The following LMO7 variants were observed in gnomAD, a reference collection of about 807,000 sequenced individuals.
LMO7 encodes LIM domain 7, also known as LIM domain only protein 7.
Under a neutral mutation model 206.5 loss-of-function variants are expected in LMO7, and 120 were observed. That is an observed-to-expected ratio of 0.58 (90% CI 0.50 to 0.68). LMO7 has a LOEUF of 0.68. Among genes scored for constraint, LMO7 ranks in the 30% least tolerant of loss-of-function variants. The probability of loss-of-function intolerance (pLI) is 0.00; values close to 1 mark genes in which losing one functional copy is unlikely to be tolerated. For synonymous variants in LMO7, 706 were observed against 681.5 expected (o/e 1.04, Z -0.56); for missense variants, 1,959 against 1,957.9 (o/e 1.00, Z -0.01).
chr13:75,815,246 G>C (rs567434097), intron 11 of LMO7, among the ~76,000 whole-genome samples: 1 of 152,156 alleles, frequency 6.6e-6, no homozygotes, highest in Non-Finnish European at 1.5e-5. Flanking sequence ...TGTGATTACT[G>C]TGATAATTGT....
chr13:75,625,471 G>C (rs2138694689), intron 2 of LMO7, among the ~76,000 whole-genome samples: 1 of 151,736 alleles, frequency 6.6e-6, no homozygotes, highest in Non-Finnish European at 1.5e-5. Flanking sequence ...GCATGTGTGT[G>C]TGTGGTTTTG....
intron 3 of LMO7, among the ~76,000 whole-genome samples, chr13:75,751,733 TAAA>T (rs1218086962): frequency 6.6e-6 from 1 of 152,218 alleles, no homozygotes; most frequent in Non-Finnish European, 1.5e-5. Flanking sequence ...ACACTGTTTA[TAAA>T]AGTGTCTTTT....
chr13:75,666,709 CA>C (rs1468992183), intron 1 of LMO7, among the ~76,000 whole-genome samples: 1 of 152,154 alleles, frequency 6.6e-6, no homozygotes, highest in Non-Finnish European at 1.5e-5. Context: ...CCCTGAGATT[CA>C]AAAGTTTGAG....
At chr13:75,749,142 G>T (rs996469555) in intron 3 of LMO7, among the ~76,000 whole-genome samples, 1 of 152,142 alleles carries the variant, frequency 6.6e-6, no homozygotes, top group African/African-American at 2.4e-5. Flanking sequence ...AACAAAAGGT[G>T]ATGATCCAGA....
chr13:75,684,487 C>T (rs772265174), intron 1 of LMO7, among the ~76,000 whole-genome samples: 5 of 151,456 alleles, frequency 3.3e-5, no homozygotes, highest in African/African-American at 7.3e-5. Context: ...TCAGGTGATC[C>T]GCCCTCCTTG....
Position 75,794,740 on chromosome 13 carries a change from C to T in LMO7, c.318-661C>T, listed in dbSNP as rs1455724489. On this transcript the variant is annotated intron_variant, in intron 4 of 30. Coordinates refer to ENST00000377534, the MANE Select transcript of LMO7 (RefSeq NM_001306080.2). ...TTCTTCAACACTGTGGTGCCATCTG[C>T]CTCTTTTTAACTTCTCCCATAAGTA... 2.6e-5 allele frequency among the ~76,000 whole-genome samples: 4 copies of T among 152,254 alleles called. No homozygotes were observed. In the South Asian group the frequency reaches 8.3e-4, roughly 32 times the overall value.
intron 2 of LMO7, among the ~76,000 whole-genome samples, chr13:75,626,445 C>T (rs1206133149): frequency 3.3e-5 from 5 of 150,666 alleles, no homozygotes; most frequent in Admixed American, 6.6e-5. Flanking sequence ...GGGGAAAAAC[C>T]GGCCCACATG....
intron 3 of LMO7, among the ~76,000 whole-genome samples, chr13:75,739,811 C>A (rs781046868): frequency 2.6e-5 from 4 of 152,140 alleles, no homozygotes; most frequent in Admixed American, 6.5e-5. Context: ...TTCTAAAAAT[C>A]ATTCTTGTGC....
At chr13:75,819,306 G>A in intron 12 of LMO7, 87 bp from the exon 13 acceptor site, 1 of 1,428,914 alleles carries the variant, frequency 7.0e-7, no homozygotes, top group Non-Finnish European at 9.3e-7. Flanking sequence ...TTTCAGTGAT[G>A]TAATAAGATA....
At chr13:75,666,982 G>A (rs1031245549) in intron 1 of LMO7, among the ~76,000 whole-genome samples, 4 of 152,086 alleles carry the variant, frequency 2.6e-5, no homozygotes, top group Non-Finnish European at 5.9e-5. Context: ...GGGTTTGAGT[G>A]TAAGAAAAAA....
intron 11 of LMO7, 147 bp downstream of exon 11, chr13:75,809,330 C>A: frequency 1.5e-6 from 1 of 645,342 alleles, no homozygotes; most frequent in South Asian, 2.2e-5. Context: ...TATCTTGCAA[C>A]CTAATGGTAA....
At chr13:75,740,812 G>A (rs1208449469) in intron 3 of LMO7, among the ~76,000 whole-genome samples, 2 of 152,168 alleles carry the variant, frequency 1.3e-5, no homozygotes, top group Admixed American at 6.5e-5. Context: ...AGGGTGTGGA[G>A]GGGCAACACT....
At chr13:75,732,486 A>G (rs1375758101) in intron 3 of LMO7, among the ~76,000 whole-genome samples, 2 of 152,164 alleles carry the variant, frequency 1.3e-5, no homozygotes, top group East Asian at 3.9e-4. Flanking sequence ...CAGCTCCTTT[A>G]AGCTCTTCTC....
At chr13:75,786,665 G>A (rs1413590826) in intron 4 of LMO7, among the ~76,000 whole-genome samples, 1 of 152,008 alleles carries the variant, frequency 6.6e-6, no homozygotes, top group East Asian at 1.9e-4. Context: ...GATTACAGGC[G>A]TGAGCCACCG....
chr13:75,762,666 G>A (rs1344835345), intron 4 of LMO7, among the ~76,000 whole-genome samples: 2 of 152,126 alleles, frequency 1.3e-5, no homozygotes, highest in African/African-American at 4.8e-5. Flanking sequence ...CTGAAACTGC[G>A]AGGTCACGTA....
intron 3 of LMO7, among the ~76,000 whole-genome samples, chr13:75,740,130 A>T (rs1594671941): frequency 6.6e-6 from 1 of 152,228 alleles, no homozygotes; most frequent in Admixed American, 6.5e-5. Flanking sequence ...TGTGGCTTGG[A>T]TGAGTTACAG....
At chr13:75,629,597 G>T (rs983736420) in intron 2 of LMO7, among the ~76,000 whole-genome samples, 2 of 152,182 alleles carry the variant, frequency 1.3e-5, no homozygotes, top group African/African-American at 2.4e-5. Flanking sequence ...AGAGAAGCAG[G>T]AAGGAGCAGA....
At position 75,626,576 on chromosome 13, in the gene LMO7, A is replaced by ATATTTTTTTTT. The variant is rs1566249065; in HGVS notation, c.225+3257_225+3258insATTTTTTTTTT. Among the ~76,000 whole-genome samples the ATATTTTTTTTT allele has an allele frequency of 6.2e-5, 4 of 64,426 alleles. 1 individual carries two copies. Among genetic ancestry groups the ATATTTTTTTTT allele is most frequent in the Non-Finnish European group, 1.4e-4 (4 of 28,700 alleles). 42.3% of individuals were successfully genotyped at this position (64,426 alleles called of 152,430 possible). ...TATTGTCTACCCTCTTAACATATATATTATATATATATATATAAATTTTTT... is the reference window on the plus strand; with the variant it reads ...TATTGTCTACCCTCTTAACATATATATATTTTTTTTTTTATATATATATATATAAATTTTTT... On this transcript the variant is annotated intron_variant, in intron 2 of 29. Transcript: ENST00000341547.
At position 75,818,988 on chromosome 13, in the gene LMO7, C is replaced by T. The variant is rs117916781; in HGVS notation, c.2065-405C>T. 8.4e-3 allele frequency among the ~76,000 whole-genome samples: 1,282 copies of T among 152,312 alleles called. 13 individuals carry two copies. The highest frequency in any genetic ancestry group is 0.027 in the Middle Eastern group (8 of 294). The stretch of plus-strand genomic sequence containing the variant: ...AAAGAGACTATGCATCTGCGCGTAA[C>T]CATCACAATCGTGTTTCTGTTTTGG... On this transcript the variant is annotated intron_variant, in intron 12 of 30. Coordinates refer to ENST00000377534, the MANE Select transcript of LMO7 (RefSeq NM_001306080.2).
Sources: gnomAD v4.1 joint callset for allele counts (sites outside exome capture counted in the v4.1 genomes callset) on GRCh38, gnomAD v4.1.1 for gene constraint, MANE v1.5 for transcripts, NCBI Gene and HGNC (gene_info 2026-07-23, HGNC 2026-07-21) for gene names.